The following EIF3A variants were observed in gnomAD, a reference collection of about 807,000 sequenced individuals.
EIF3A encodes EIF3, p180 subunit.
A neutral mutation model predicts 186.6 loss-of-function variants in EIF3A; 21 were observed. That is an observed-to-expected ratio of 0.11 (90% CI 0.08 to 0.16). The LOEUF (loss-of-function observed/expected upper bound fraction) is 0.16. EIF3A is among the 10% of genes least tolerant of loss of function. EIF3A has a pLI of 1.00. For missense variants in EIF3A, 1,306 were observed against 1,796.3 expected (o/e 0.73, Z 4.93); for synonymous variants, 563 against 584.3 (o/e 0.96, Z 0.52).
intron 1 of EIF3A, among the ~76,000 whole-genome samples, chr10:119,076,738 T>C (rs1844180320): frequency 6.6e-6 from 1 of 151,700 alleles, no homozygotes; most frequent in African/African-American, 2.4e-5. Context: ...GAGTTCCAGA[T>C]CAGCCTGGGC....
Position 119,074,859 on chromosome 10 carries a change from G to A in EIF3A, c.50-922C>T, listed in dbSNP as rs117825818. On this transcript the variant is annotated intron_variant, in intron 1 of 21. Transcript: ENST00000369144. ...CATGAACCTGGGAGGCAGAGGTTGC[G>A]GTCAGCTGAGATGGCGCCACTGCAC... Among the ~76,000 whole-genome samples the A allele has an allele frequency of 3.3e-3, 455 of 138,558 alleles. 15 individuals carry two copies. In the East Asian group the frequency reaches 0.067, roughly 21 times the overall value. The allele number at this position is 138,558 out of a possible 152,430, so 90.9% of individuals were successfully genotyped here.
chr10:119,034,726 AT>A lies in EIF3A; in HGVS notation c.*1312del, dbSNP rs1848104549. On this transcript the variant is annotated 3_prime_UTR_variant, in exon 22 of 22. Coordinates refer to ENST00000369144, the MANE Select transcript of EIF3A (RefSeq NM_003750.4). ...CCTACAGCCATGATGAATTTGTAAC[AT>A]TTTCTCAAATTAACTACGATTTTTC... 6.6e-6 allele frequency: 1 copy of A among 152,224 alleles called. No homozygotes were observed. The highest frequency in any genetic ancestry group is 1.5e-5 in the Non-Finnish European group (1 of 68,044). 9.4% of individuals were successfully genotyped at this position (152,224 alleles called of 1,614,324 possible).
chr10:119,061,175 A>G (rs764912162), intron 8 of EIF3A, 49 bp downstream of exon 8: 10 of 1,092,594 alleles, frequency 9.2e-6, no homozygotes, highest in East Asian at 2.4e-5. Context: ...CAAAACTGCA[A>G]GAAGGCCAAC....
In EIF3A at chr10:119,062,914, AT is replaced by A. The variant is rs777014802; in HGVS notation, c.1123-1587del. ...ACGCATGCACCACAATGCCCAGCTA[AT>A]TTTTTTTTTTTTGTATTTTTAGTAG... On this transcript the variant is annotated intron_variant, in intron 7 of 21. Transcript: ENST00000369144. 7.0e-3 allele frequency among the ~76,000 whole-genome samples: 1,010 copies of A among 143,832 alleles called. 8 individuals are homozygous for A. The highest frequency in any genetic ancestry group is 0.02 in the African/African-American group (779 of 39,472). The allele number at this position is 143,832 out of a possible 152,430, so 94.4% of individuals were successfully genotyped here. A position where few individuals can be genotyped will look rare whatever the true frequency, so the allele number is the denominator to read the frequency against.
intron 1 of EIF3A, among the ~76,000 whole-genome samples, chr10:119,079,390 T>G (rs540146987): frequency 6.6e-6 from 1 of 152,230 alleles, no homozygotes; most frequent in Non-Finnish European, 1.5e-5. Context: ...GTTTATGTGC[T>G]GACTCAAACT....
At chr10:119,076,131 G>A (rs7915859) in intron 1 of EIF3A, among the ~76,000 whole-genome samples, 2,406 of 149,138 alleles carry the variant, frequency 0.016, 66 homozygotes, top group African/African-American at 0.056. Flanking sequence ...AGGAGATCGA[G>A]ACCATCCTGG....
In EIF3A at chr10:119,049,964, G is replaced by A. The variant is rs1461972897; in HGVS notation, c.2495C>T (p.Ala832Val). 6.2e-7 allele frequency: 1 copy of A among 1,613,876 alleles called. No homozygotes were observed. The highest frequency in any genetic ancestry group is 1.1e-5 in the South Asian group (1 of 91,064). Residue 832 changes from alanine to valine, a missense_variant, in exon 17 of 22, where the codon GCC becomes GTC. Physicochemically the swap from Ala to Val is moderately conservative, Grantham distance 64. Transcript: ENST00000369144. Reference protein sequence around the residue: ...MLKEREERERAERAKREEELR... With the variant: ...MLKEREERERVERAKREEELR... ...CTCTTCCTCGCGTTTTGCTCGTTCG[G>A]CGCGCTCTCTCTCTTCCCGCTCTAG...
intron 17 of EIF3A, among the ~76,000 whole-genome samples, chr10:119,049,243 T>C (rs1044489116): frequency 4.6e-5 from 7 of 152,156 alleles, no homozygotes; most frequent in African/African-American, 1.7e-4. Flanking sequence ...GCAGATTGTT[T>C]GAGGTCAGGA....
intron 6 of EIF3A, 79 bp downstream of exon 6, chr10:119,069,367 T>C (rs985822235): frequency 1.3e-6 from 1 of 756,682 alleles, no homozygotes; most frequent in South Asian, 1.6e-5. Flanking sequence ...TGAGAAACCA[T>C]GGCCTAAAAT....
chr10:119,073,607 AC>A (rs1564761534), intron 2 of EIF3A, 30 bp from the exon 3 acceptor site: 1 of 1,596,236 alleles, frequency 6.3e-7, no homozygotes, highest in Non-Finnish European at 8.5e-7. Context: ...ACTCTTCAGA[AC>A]TTATTTTTCC....
chr10:119,068,256 A>T (rs927074944), intron 6 of EIF3A, among the ~76,000 whole-genome samples: 1 of 152,210 alleles, frequency 6.6e-6, no homozygotes, highest in Non-Finnish European at 1.5e-5. Flanking sequence ...CAGGGAAAAA[A>T]TTGGTCTATA....
intron 14 of EIF3A, 97 bp downstream of exon 14, chr10:119,056,640 CAGA>C (rs1843788630): frequency 9.1e-6 from 7 of 769,584 alleles, no homozygotes; most frequent in South Asian, 6.8e-5. Flanking sequence ...CCATTTCTAG[CAGA>C]AGAATACAAA....
intron 17 of EIF3A, among the ~76,000 whole-genome samples, chr10:119,047,492 A>T (rs1848295913): frequency 6.6e-6 from 1 of 152,182 alleles, no homozygotes. Context: ...TAAAACAGAA[A>T]CAAGAGGCTG....
chr10:119,067,241 A>ACATAAGT (rs1028063045), intron 6 of EIF3A, among the ~76,000 whole-genome samples: 2 of 151,788 alleles, frequency 1.3e-5, no homozygotes, highest in Non-Finnish European at 2.9e-5. Flanking sequence ...GATGTGAATT[A>ACATAAGT]CATAAGTGAC....
intron 20 of EIF3A, 52 bp downstream of exon 20, chr10:119,038,186 G>T (rs1848161906): frequency 6.7e-7 from 1 of 1,498,450 alleles, no homozygotes; most frequent in Non-Finnish European, 9.2e-7. Flanking sequence ...GGGATTACAG[G>T]CATGAGCCAC....
intron 1 of EIF3A, among the ~76,000 whole-genome samples, chr10:119,075,879 A>ATT (rs58100835): frequency 0.046 from 4,351 of 94,008 alleles, 199 homozygotes; most frequent in African/African-American, 0.072. Context: ...CGCCTGGCTA[A>ATT]TTTTTTTTTT....
At chr10:119,055,049 AAC>A (rs1035297853) in intron 14 of EIF3A, among the ~76,000 whole-genome samples, 4 of 152,146 alleles carry the variant, frequency 2.6e-5, no homozygotes, top group African/African-American at 9.6e-5. Context: ...CTCCACTAAA[AAC>A]ACAAAAACTA....
rs1554873597 is a variant in EIF3A at position 119,075,666 on chromosome 10, A to ATC, written c.50-1731_50-1730dup. ...TATATATATACATATATATATATAT[A>ATC]TCTCCTTTTTAAAAATATCATTGTT... On this transcript the variant is annotated intron_variant, in intron 1 of 21. Transcript: ENST00000369144. Among the ~76,000 whole-genome samples, 112 of 137,366 alleles carry ATC rather than the reference A, an allele frequency of 8.2e-4. 2 individuals are homozygous for ATC. The highest frequency in any genetic ancestry group is 9.2e-4 in the South Asian group (4 of 4,352). 90.1% of individuals were successfully genotyped at this position (137,366 alleles called of 152,430 possible).
At chr10:119,066,546 G>A (rs1843983985) in intron 6 of EIF3A, among the ~76,000 whole-genome samples, 3 of 129,212 alleles carry the variant, frequency 2.3e-5, no homozygotes, top group South Asian at 2.6e-4. Context: ...AAAACCTAAG[G>A]AAGTAAGTGG....
Sources: gnomAD v4.1 joint callset for allele counts (sites outside exome capture counted in the v4.1 genomes callset) on GRCh38, gnomAD v4.1.1 for gene constraint, MANE v1.5 for transcripts, NCBI Gene and HGNC (gene_info 2026-07-23, HGNC 2026-07-21) for gene names.